GATB: variants seen among roughly 807,000 people sequenced by gnomAD.
The protein encoded by GATB is glutamyl-tRNA(Gln) amidotransferase subunit B, mitochondrial.
A neutral mutation model predicts 62.3 loss-of-function variants in GATB; 39 were observed. The ratio of observed to expected loss-of-function variants is 0.63; its 90% CI spans 0.48 to 0.82. The LOEUF is 0.82. GATB is among the 40% of genes least tolerant of loss of function. The pLI is 0.00. For missense variants in GATB, 670 were observed against 684.0 expected (o/e 0.98, Z 0.23); for synonymous variants, 276 against 258.9 (o/e 1.07, Z -0.63).
chr4:151,758,477 T>C (rs1378821181), intron 2 of GATB, among the ~76,000 whole-genome samples: 1 of 152,198 alleles, frequency 6.6e-6, no homozygotes, highest in Non-Finnish European at 1.5e-5. Context: ...GTTTTTGAAC[T>C]CCTTAAAGGC....
intron 2 of GATB, among the ~76,000 whole-genome samples, chr4:151,748,487 T>C (rs1209720509): frequency 1.3e-5 from 2 of 152,140 alleles, no homozygotes; most frequent in African/African-American, 2.4e-5. Context: ...GGATCCCTTC[T>C]TTACACCTTA....
Position 151,713,833 on chromosome 4 carries a change from C to A in GATB, c.763+2176G>T, listed in dbSNP as rs535936510. Among the ~76,000 whole-genome samples the A allele has an allele frequency of 6.6e-5, 10 of 152,302 alleles. No individual in the cohort carries two copies. In the East Asian group the frequency reaches 1.7e-3, roughly 26 times the overall value. On this transcript the variant is annotated intron_variant, in intron 5 of 12. Transcript: ENST00000263985. Reference sequence around the variant, plus strand: ...GAAAGGGCTCTTGGACCCAGACACACCTGGGCTCAAGTCCCAGCTCTGTCA... The same window carrying A: ...GAAAGGGCTCTTGGACCCAGACACAACTGGGCTCAAGTCCCAGCTCTGTCA...
chr4:151,746,770 C>G (rs775316847), intron 2 of GATB, among the ~76,000 whole-genome samples: 2 of 152,098 alleles, frequency 1.3e-5, no homozygotes, highest in African/African-American at 2.4e-5. Flanking sequence ...GGGGGTTGGT[C>G]AAGACAGCAG....
At chr4:151,672,921 A>G in intron 11 of GATB, 25 bp from the exon 12 acceptor site, 1 of 1,612,774 alleles carries the variant, frequency 6.2e-7, no homozygotes, top group Non-Finnish European at 8.5e-7. Flanking sequence ...AGGGAGAGGA[A>G]AGAGAAATGA....
At position 151,730,748 on chromosome 4, in the gene GATB, A is replaced by AC. The variant is rs1442166647; in HGVS notation, c.328-11211dup. Among the ~76,000 whole-genome samples, 1 of 152,114 alleles carries AC rather than the reference A, an allele frequency of 6.6e-6. No homozygotes were observed. On this transcript the variant is annotated intron_variant, in intron 2 of 12. Coordinates refer to ENST00000263985, the MANE Select transcript of GATB (RefSeq NM_004564.3). This position sits in a 1 kb window ranked among gnomAD's most constrained non-coding sequence, Gnocchi z 4.1. The stretch of plus-strand genomic sequence containing the variant: ...GAGAATATTATTACATCAAGGGAAC[A>AC]CCCCATGGGACAAAAAGACCTGAAT...
At position 151,701,448 on chromosome 4, in the gene GATB, G is replaced by T; in HGVS notation, c.1078C>A (p.Pro360Thr). Residue 360 changes from proline (P) to threonine (T), a missense_variant, in exon 9 of 13, where the codon CCA (proline) becomes ACA (threonine). By Grantham distance (38) the Pro-to-Thr change is conservative. Coordinates refer to ENST00000263985, the MANE Select transcript of GATB (RefSeq NM_004564.3). ...DATSLPAGAD[P>T]QQVINIDQIR... Reference sequence around the variant, plus strand: ...TGGTCAATATTGATCACTTGCTGTGGGTCTGCACCTGCGGGCAGAGATGTG... The same window carrying T: ...TGGTCAATATTGATCACTTGCTGTGTGTCTGCACCTGCGGGCAGAGATGTG... 1 of 1,601,894 alleles carries T rather than the reference G, an allele frequency of 6.2e-7. No homozygotes were observed. Among genetic ancestry groups the T allele is most frequent in the African/African-American group, 1.3e-5 (1 of 74,546 alleles).
At chr4:151,699,646 C>T (rs184700657) in intron 9 of GATB, among the ~76,000 whole-genome samples, 88 of 152,254 alleles carry the variant, frequency 5.8e-4, no homozygotes, top group Non-Finnish European at 1.1e-3. Flanking sequence ...CGCTCATGAA[C>T]GGCCGAGAGT....
intron 10 of GATB, among the ~76,000 whole-genome samples, chr4:151,683,140 CT>C (rs1738176344): frequency 6.6e-6 from 1 of 152,220 alleles, no homozygotes; most frequent in Non-Finnish European, 1.5e-5. Context: ...TCTTCCCTGT[CT>C]TGACAATGCC....
intron 5 of GATB, among the ~76,000 whole-genome samples, chr4:151,714,137 T>C (rs1210122367): frequency 6.6e-6 from 1 of 152,252 alleles, no homozygotes; most frequent in Non-Finnish European, 1.5e-5. Context: ...GGCAAAAGGC[T>C]GTCCACTGAG....
intron 10 of GATB, among the ~76,000 whole-genome samples, chr4:151,687,259 C>T (rs1026901479): frequency 1.3e-5 from 2 of 152,202 alleles, no homozygotes; most frequent in Admixed American, 6.5e-5. Context: ...TGGTTAGCCC[C>T]GTGGGGGTGA....
intron 2 of GATB, among the ~76,000 whole-genome samples, chr4:151,727,265 T>C (rs1258324060): frequency 1.3e-5 from 2 of 152,130 alleles, no homozygotes; most frequent in African/African-American, 4.8e-5. Flanking sequence ...AGATCTGAGA[T>C]TTACCTCAGG....
chr4:151,706,194 G>A (rs12502967), intron 6 of GATB, among the ~76,000 whole-genome samples: 20,532 of 152,234 alleles, frequency 0.13, 1,573 homozygotes, highest in African/African-American at 0.21. Context: ...GAAAAAGGTG[G>A]TGAAAAATCA....
Position 151,758,626 on chromosome 4 carries a change from C to T in GATB, c.327+146G>A, listed in dbSNP as rs927839939. On this transcript the variant is annotated intron_variant, in intron 2 of 12. Transcript: ENST00000263985. ...ATCACAGAGATGGGTCTTCAGAAAACATTTAATATATCCCGCTTCACCCAA... is the reference window on the plus strand; with the variant it reads ...ATCACAGAGATGGGTCTTCAGAAAATATTTAATATATCCCGCTTCACCCAA... The T allele has an allele frequency of 6.4e-6, 4 of 623,268 alleles. No individual in the cohort carries two copies. In the South Asian group the frequency reaches 1.1e-4, roughly 18 times the overall value. The allele number at this position is 623,268 out of a possible 1,614,324, so 38.6% of individuals were successfully genotyped here. A position where few individuals can be genotyped will look rare whatever the true frequency, so the allele number is the denominator to read the frequency against.
chr4:151,760,461 C>T (rs1739930374), intron 1 of GATB, among the ~76,000 whole-genome samples: 1 of 152,184 alleles, frequency 6.6e-6, no homozygotes, highest in Admixed American at 6.5e-5. Context: ...TAAATAAAAT[C>T]AGCTAAATAT....
chr4:151,736,815 G>T (rs1014483349), intron 2 of GATB, among the ~76,000 whole-genome samples: 1 of 152,174 alleles, frequency 6.6e-6, no homozygotes, highest in Non-Finnish European at 1.5e-5. Flanking sequence ...TAAGTCTCAC[G>T]AGATCTGATG....
chr4:151,738,215 G>A (rs944361883), intron 2 of GATB, among the ~76,000 whole-genome samples: 3 of 152,164 alleles, frequency 2.0e-5, no homozygotes, highest in African/African-American at 7.2e-5. Context: ...AAGACCATGG[G>A]AACCCATCTT....
At chr4:151,742,050 C>A (rs1739498640) in intron 2 of GATB, among the ~76,000 whole-genome samples, 1 of 150,760 alleles carries the variant, frequency 6.6e-6, no homozygotes. Flanking sequence ...AATACATACA[C>A]AACAACACAG....
At chr4:151,676,796 T>A (rs779708937) in intron 11 of GATB, among the ~76,000 whole-genome samples, 160 of 152,328 alleles carry the variant, frequency 1.1e-3, no homozygotes, top group Non-Finnish European at 1.7e-3. Context: ...CAGCAACCTC[T>A]TAACTCCCCT....
At chr4:151,721,976 T>C in intron 2 of GATB, 1 of 557,238 alleles carries the variant, frequency 1.8e-6, no homozygotes, top group Non-Finnish European at 3.2e-6. Flanking sequence ...TGCTTTAATC[T>C]TTTTTTGATG....
Sources: allele counts gnomAD v4.1 joint callset (sites outside exome capture counted in the v4.1 genomes callset), GRCh38; gene constraint gnomAD v4.1.1; non-coding constraint Gnocchi (gnomAD v3.1); transcripts MANE v1.5; gene names NCBI Gene and HGNC (gene_info 2026-07-23, HGNC 2026-07-21).